The following NRG3 variants were observed in gnomAD, a reference collection of about 807,000 sequenced individuals.
The protein encoded by NRG3 is pro-neuregulin-3, membrane-bound isoform.
In NRG3, 31 loss-of-function variants were observed where a neutral mutation model predicts 66.9. That is an observed-to-expected ratio of 0.46 (90% CI 0.35 to 0.63). The LOEUF (loss-of-function observed/expected upper bound fraction) is 0.63, where lower values mean the gene tolerates loss of function less well. Ranked by LOEUF, NRG3 falls within the 20% of genes least tolerant of loss-of-function variation. NRG3 has a pLI of 0.00. For missense variants in NRG3, 910 were observed against 878.9 expected (o/e 1.04, Z -0.45); for synonymous variants, 393 against 359.4 (o/e 1.09, Z -1.06).
intron 2 of NRG3, among the ~76,000 whole-genome samples, chr10:82,717,432 C>T (rs1332968453): frequency 7.5e-6 from 1 of 133,116 alleles, no homozygotes; most frequent in Non-Finnish European, 1.5e-5. Context: ...TGGAGTCTTG[C>T]TGTGTCGCCC....
chr10:82,267,984 C>T (rs772674121), intron 1 of NRG3, among the ~76,000 whole-genome samples: 22 of 152,042 alleles, frequency 1.4e-4, no homozygotes, highest in East Asian at 3.9e-4. Context: ...ACTTATAAAA[C>T]GCAATTTTGG....
intron 1 of NRG3, among the ~76,000 whole-genome samples, chr10:82,032,363 T>C (rs1483963521): frequency 6.6e-6 from 1 of 150,440 alleles, no homozygotes; most frequent in African/African-American, 2.4e-5. Context: ...GGAAGTTTTT[T>C]CCCTCTCAGG....
chr10:82,559,049 G>A (rs919845070), intron 2 of NRG3, among the ~76,000 whole-genome samples: 6 of 152,030 alleles, frequency 3.9e-5, no homozygotes, highest in South Asian at 2.1e-4. Context: ...GCATTTGTTT[G>A]TGCATATGCA....
At chr10:82,349,670 G>A (rs932943044) in intron 1 of NRG3, among the ~76,000 whole-genome samples, 111 of 152,038 alleles carry the variant, frequency 7.3e-4, no homozygotes, top group African/African-American at 2.5e-3. Flanking sequence ...CAACCTCGCT[G>A]CCGCCTTGCA....
chr10:82,195,793 A>G (rs541863018), intron 1 of NRG3, among the ~76,000 whole-genome samples: 1 of 152,316 alleles, frequency 6.6e-6, no homozygotes, highest in East Asian at 1.9e-4. Flanking sequence ...TAAACCAGAG[A>G]GGCAAGAAAG....
At chr10:82,474,915 A>G (rs1016836324) in intron 2 of NRG3, among the ~76,000 whole-genome samples, 1 of 152,094 alleles carries the variant, frequency 6.6e-6, no homozygotes, top group African/African-American at 2.4e-5. Context: ...TAAGATTATC[A>G]GCATATTTCT....
intron 1 of NRG3, among the ~76,000 whole-genome samples, chr10:82,188,604 G>GA (rs2133318422): frequency 6.6e-6 from 1 of 152,014 alleles, no homozygotes; most frequent in East Asian, 1.9e-4. Context: ...AACTCTATAG[G>GA]AAAAAATATC....
chr10:82,441,969 T>C (rs2090454471), intron 2 of NRG3, among the ~76,000 whole-genome samples: 1 of 152,162 alleles, frequency 6.6e-6, no homozygotes, highest in Admixed American at 6.6e-5. Context: ...ATACCTATTA[T>C]TGTGGGATTG....
intron 1 of NRG3, among the ~76,000 whole-genome samples, chr10:82,192,060 A>C (rs2074173916): frequency 6.6e-6 from 1 of 152,176 alleles, no homozygotes; most frequent in Non-Finnish European, 1.5e-5. Flanking sequence ...AAAACAGGAA[A>C]GGTCTGTTTT....
intron 2 of NRG3, among the ~76,000 whole-genome samples, chr10:82,531,817 A>T (rs1387309117): frequency 6.6e-6 from 1 of 151,906 alleles, no homozygotes; most frequent in East Asian, 1.9e-4. Flanking sequence ...TGTAATGTTA[A>T]GAACATTTAA....
intron 1 of NRG3, among the ~76,000 whole-genome samples, chr10:82,329,980 A>G (rs896599536): frequency 1.2e-4 from 18 of 152,128 alleles, no homozygotes; most frequent in African/African-American, 4.1e-4. Flanking sequence ...TGAGGTAGGA[A>G]TTTCTTAGTG....
chr10:82,441,376 G>A (rs950338996), intron 2 of NRG3, among the ~76,000 whole-genome samples: 6 of 152,196 alleles, frequency 3.9e-5, no homozygotes, highest in East Asian at 3.8e-4. Context: ...GATGATTTGC[G>A]AGTCAACTGT....
intron 1 of NRG3, among the ~76,000 whole-genome samples, chr10:82,051,867 T>G (rs2063608828): frequency 6.6e-6 from 1 of 152,070 alleles, no homozygotes; most frequent in Admixed American, 6.6e-5. Context: ...CAAACTGAGC[T>G]CAAGCTTCTC....
chr10:82,582,134 C>G (rs560349837), intron 2 of NRG3, among the ~76,000 whole-genome samples: 1 of 152,090 alleles, frequency 6.6e-6, no homozygotes, highest in East Asian at 1.9e-4. Context: ...AATATTTATA[C>G]TCGTCAGCAA....
intron 1 of NRG3, among the ~76,000 whole-genome samples, chr10:82,229,655 G>A (rs371719715): frequency 1.9e-4 from 29 of 152,202 alleles, no homozygotes; most frequent in East Asian, 1.7e-3. Context: ...AGTGCAGAGC[G>A]AAGCAGGGAA....
intron 1 of NRG3, among the ~76,000 whole-genome samples, chr10:82,102,144 A>G (rs574788921): frequency 1.3e-4 from 5 of 37,660 alleles, no homozygotes; most frequent in African/African-American, 3.1e-4. Context: ...ATATATATAT[A>G]TATATATATA....
At chr10:81,931,332 T>G (rs1242149986) in intron 1 of NRG3, among the ~76,000 whole-genome samples, 11 of 152,176 alleles carry the variant, frequency 7.2e-5, no homozygotes, top group Non-Finnish European at 1.5e-5. Flanking sequence ...CCTGGGAAAT[T>G]CCAAGGATAT....
intron 1 of NRG3, among the ~76,000 whole-genome samples, chr10:82,179,377 T>C (rs1318617330): frequency 6.6e-6 from 1 of 152,028 alleles, no homozygotes. Context: ...TTTTACAGTT[T>C]CAGGTCTTAC....
intron 1 of NRG3, among the ~76,000 whole-genome samples, chr10:81,972,386 A>G (rs1209473186): frequency 6.6e-6 from 1 of 152,184 alleles, no homozygotes; most frequent in Non-Finnish European, 1.5e-5. Flanking sequence ...CAGAACAGCG[A>G]TAGCAGACAA....
Sources: allele counts gnomAD v4.1 joint callset (sites outside exome capture counted in the v4.1 genomes callset), GRCh38; gene constraint gnomAD v4.1.1; transcripts MANE v1.5; gene names NCBI Gene and HGNC (gene_info 2026-07-23, HGNC 2026-07-21).